Variants in TMEM132D observed in about 807,000 individuals in gnomAD.
TMEM132D encodes the protein mature OL transmembrane protein.
Under a neutral mutation model 62.3 loss-of-function variants are expected in TMEM132D, and 21 were observed. The ratio of observed to expected loss-of-function variants is 0.34; its 90% confidence interval spans 0.24 to 0.49. TMEM132D has a LOEUF of 0.49. TMEM132D is among the 20% of genes least tolerant of loss of function. The pLI is 0.99. For synonymous variants in TMEM132D, 621 were observed against 575.6 expected, an observed-to-expected ratio of 1.08 and a Z score of -1.13; for missense variants, 1,346 against 1,402.8, an observed-to-expected ratio of 0.96 and a Z score of 0.65.
At position 129,074,869 on chromosome 12, in the gene TMEM132D, A is replaced by G. The variant is rs1874201081; in HGVS notation, c.2306T>C (p.Val769Ala). 6.2e-7 allele frequency: 1 copy of G among 1,613,560 alleles called. No individual in the cohort carries two copies. Among genetic ancestry groups the G allele is most frequent in the Non-Finnish European group, 8.5e-7 (1 of 1,179,946 alleles). Reference protein sequence around the residue: ...ETEGQGTLVKVEMVISESCQK... With the variant: ...ETEGQGTLVKAEMVISESCQK... Reference sequence around the variant, plus strand: ...GCAGGATTCACTAATAACCATTTCCACCTTGACCAGGGTGCCTTGTCCTTC... The same window carrying G: ...GCAGGATTCACTAATAACCATTTCCGCCTTGACCAGGGTGCCTTGTCCTTC... Residue 769 changes from valine to alanine, a missense_variant, in exon 9 of 9, where the codon GTG (valine) becomes GCG (alanine). Val to Ala is a moderately conservative substitution (Grantham distance 64, BLOSUM62 0). Transcript: ENST00000422113.
chr12:129,359,699 T>C (rs1324338066), intron 3 of TMEM132D, among the ~76,000 whole-genome samples: 1 of 151,928 alleles, frequency 6.6e-6, no homozygotes, highest in African/African-American at 2.4e-5. Flanking sequence ...CCAAATAACA[T>C]TTACTTCAAT....
intron 1 of TMEM132D, among the ~76,000 whole-genome samples, chr12:129,717,262 G>A (rs1045160864): frequency 2.0e-5 from 3 of 152,164 alleles, no homozygotes; most frequent in African/African-American, 7.2e-5. Flanking sequence ...AGAAGGGTGT[G>A]TTCTGCTTCT....
At chr12:129,672,005 CA>C (rs1880511472) in intron 2 of TMEM132D, among the ~76,000 whole-genome samples, 1 of 152,180 alleles carries the variant, frequency 6.6e-6, no homozygotes, top group East Asian at 1.9e-4. Context: ...GCTGCTCCAG[CA>C]AAAGAATTCT....
chr12:129,227,424 GC>G (rs1196592404), intron 4 of TMEM132D, among the ~76,000 whole-genome samples: 2 of 148,348 alleles, frequency 1.3e-5, no homozygotes, highest in Admixed American at 1.4e-4. Context: ...TTAACCTTGG[GC>G]CCCCACATAA....
intron 5 of TMEM132D, among the ~76,000 whole-genome samples, chr12:129,185,760 C>T (rs1878201514): frequency 2.5e-5 from 1 of 39,856 alleles, no homozygotes; most frequent in African/African-American, 1.1e-4. Context: ...TTTTATCCAT[C>T]ATCTGTCTGT....
intron 3 of TMEM132D, among the ~76,000 whole-genome samples, chr12:129,499,323 C>T (rs891324566): frequency 8.5e-5 from 13 of 152,114 alleles, no homozygotes; most frequent in Admixed American, 3.9e-4. Context: ...TGAGGGGTGG[C>T]ATTACTCAGA....
At chr12:129,472,527 C>A (rs952790733) in intron 3 of TMEM132D, among the ~76,000 whole-genome samples, 1 of 152,088 alleles carries the variant, frequency 6.6e-6, no homozygotes, top group African/African-American at 2.4e-5. Flanking sequence ...TGCAGCAAAC[C>A]ACTATGGCAG....
intron 1 of TMEM132D, among the ~76,000 whole-genome samples, chr12:129,731,019 T>TTA (rs1725790455): frequency 6.6e-6 from 1 of 152,180 alleles, no homozygotes; most frequent in African/African-American, 2.4e-5. Flanking sequence ...AAAATCCGCT[T>TTA]TATATATACA....
At chr12:129,574,506 A>G (rs1333683360) in intron 2 of TMEM132D, among the ~76,000 whole-genome samples, 1 of 151,952 alleles carries the variant, frequency 6.6e-6, no homozygotes, top group African/African-American at 2.4e-5. Flanking sequence ...ATGATGCTAC[A>G]TTAGCCAGAG....
At chr12:129,444,417 A>C (rs941954788) in intron 3 of TMEM132D, among the ~76,000 whole-genome samples, 3 of 152,180 alleles carry the variant, frequency 2.0e-5, no homozygotes, top group Middle Eastern at 3.2e-3. Flanking sequence ...TAGAAGAAAA[A>C]CAACAAGCAA....
intron 3 of TMEM132D, among the ~76,000 whole-genome samples, chr12:129,513,776 C>T (rs565604058): frequency 3.8e-4 from 56 of 146,334 alleles, no homozygotes; most frequent in Non-Finnish European, 6.5e-4. Context: ...TGAGCCACCG[C>T]GCCCGGCCAA....
chr12:129,814,065 C>T (rs183059636), intron 1 of TMEM132D, among the ~76,000 whole-genome samples: 87 of 152,162 alleles, frequency 5.7e-4, no homozygotes, highest in East Asian at 1.2e-3. Flanking sequence ...GCAACATGGA[C>T]GGAACTGGTC....
At chr12:129,634,006 G>T (rs1275174645) in intron 2 of TMEM132D, among the ~76,000 whole-genome samples, 1 of 152,156 alleles carries the variant, frequency 6.6e-6, no homozygotes, top group African/African-American at 2.4e-5. Context: ...TGCGGAGGAA[G>T]TCCTGGAGCT....
At chr12:129,892,474 G>T (rs1003193019) in intron 1 of TMEM132D, among the ~76,000 whole-genome samples, 6 of 151,992 alleles carry the variant, frequency 3.9e-5, no homozygotes, top group African/African-American at 1.5e-4. Flanking sequence ...TGAACAGATG[G>T]GCCGAAGGAT....
chr12:129,731,379 G>A (rs1413214920), intron 1 of TMEM132D, among the ~76,000 whole-genome samples: 1 of 152,130 alleles, frequency 6.6e-6, no homozygotes, highest in African/African-American at 2.4e-5. Flanking sequence ...GAAAAAGCAG[G>A]TAATGTAGAT....
chr12:129,157,243 T>A (rs936988233), intron 5 of TMEM132D, among the ~76,000 whole-genome samples: 9 of 152,232 alleles, frequency 5.9e-5, no homozygotes, highest in African/African-American at 2.2e-4. Context: ...TTAGTCCACT[T>A]GTGAGGGCAG....
intron 5 of TMEM132D, among the ~76,000 whole-genome samples, chr12:129,149,549 T>C (rs887185249): frequency 6.6e-6 from 1 of 152,192 alleles, no homozygotes; most frequent in Non-Finnish European, 1.5e-5. Flanking sequence ...AGGAGACGTG[T>C]TTCTATTCTG....
intron 1 of TMEM132D, among the ~76,000 whole-genome samples, chr12:129,805,613 A>G (rs76696950): frequency 0.92 from 139,607 of 151,720 alleles, 64,960 homozygotes; most frequent in Non-Finnish European, 0.99. Flanking sequence ...AGGCAATACC[A>G]TTCAGGACAT....
At chr12:129,535,498 C>A (rs1442393396) in intron 2 of TMEM132D, among the ~76,000 whole-genome samples, 1 of 152,196 alleles carries the variant, frequency 6.6e-6, no homozygotes, top group Non-Finnish European at 1.5e-5. Context: ...AATTTGAGTT[C>A]ATTATCCAAA....
Sources: allele counts gnomAD v4.1 joint callset (sites outside exome capture counted in the v4.1 genomes callset), GRCh38; gene constraint gnomAD v4.1.1; transcripts MANE v1.5; gene names NCBI Gene and HGNC (gene_info 2026-07-23, HGNC 2026-07-21).